NRXN3: variants seen among roughly 807,000 people sequenced by gnomAD.
The protein encoded by NRXN3 is neurexin 3.
Under a neutral mutation model 137.6 loss-of-function variants are expected in NRXN3, and 32 were observed. The observed-to-expected ratio is 0.23, with a 90% confidence interval of 0.18 to 0.31. The LOEUF is 0.31. Ranked by LOEUF, NRXN3 falls within the 10% of genes least tolerant of loss-of-function variation. The probability of loss-of-function intolerance (pLI) is 1.00; values close to 1 mark genes in which losing one functional copy is unlikely to be tolerated. For synonymous variants in NRXN3, 798 were observed against 784.5 expected (o/e 1.02, Z -0.29); for missense variants, 1,574 against 2,062.5 (o/e 0.76, Z 4.59).
At chr14:78,460,217 C>T (rs528783504) in intron 4 of NRXN3, among the ~76,000 whole-genome samples, 8 of 152,254 alleles carry the variant, frequency 5.3e-5, no homozygotes, top group African/African-American at 1.4e-4. Context: ...GGAACCTCGA[C>T]ATGTCCAGCT....
intron 16 of NRXN3, among the ~76,000 whole-genome samples, chr14:79,594,430 C>T (rs1332752653): frequency 6.6e-6 from 1 of 152,154 alleles, no homozygotes; most frequent in Non-Finnish European, 1.5e-5. Context: ...TGATGAATTA[C>T]AGTACTAGAG....
chr14:78,180,319 G>C (rs888450679), intron 1 of NRXN3, among the ~76,000 whole-genome samples: 3 of 152,124 alleles, frequency 2.0e-5, no homozygotes, highest in Non-Finnish European at 4.4e-5. Context: ...CAGCCACCTA[G>C]AGTCCCAAGC....
At chr14:78,617,102 A>G (rs1041817828) in intron 4 of NRXN3, among the ~76,000 whole-genome samples, 1 of 152,210 alleles carries the variant, frequency 6.6e-6, no homozygotes, top group African/African-American at 2.4e-5. Flanking sequence ...AGCTTGGTTA[A>G]AAAACAAAAG....
chr14:79,420,609 G>A (rs377252872), intron 15 of NRXN3, among the ~76,000 whole-genome samples: 2 of 152,158 alleles, frequency 1.3e-5, no homozygotes, highest in East Asian at 3.9e-4. Flanking sequence ...TAATCTCTAC[G>A]GTCCCTCCCA....
At chr14:78,759,238 AT>A (rs142886455) in intron 8 of NRXN3, among the ~76,000 whole-genome samples, 3,777 of 152,248 alleles carry the variant, frequency 0.025, 162 homozygotes, top group African/African-American at 0.086. Flanking sequence ...ATCTGGTGGT[AT>A]TTCCGCTTGT....
chr14:78,352,418 C>T (rs2083661930), intron 4 of NRXN3, among the ~76,000 whole-genome samples: 1 of 152,020 alleles, frequency 6.6e-6, no homozygotes. Context: ...TACAAAGAAG[C>T]CAACACTTTA....
intron 15 of NRXN3, chr14:79,279,733 C>T (rs943246324): frequency 1.1e-5 from 11 of 987,258 alleles, no homozygotes; most frequent in Non-Finnish European, 1.3e-5. Flanking sequence ...CCCAGGAACA[C>T]CCGAAGAACT....
At chr14:79,263,821 C>G (rs1158156071) in intron 15 of NRXN3, among the ~76,000 whole-genome samples, 1 of 151,172 alleles carries the variant, frequency 6.6e-6, no homozygotes, top group Non-Finnish European at 1.5e-5. Context: ...TACTACACAA[C>G]TCCGGGGGCA....
At chr14:79,650,179 G>A (rs2098469562) in intron 16 of NRXN3, among the ~76,000 whole-genome samples, 1 of 152,116 alleles carries the variant, frequency 6.6e-6, no homozygotes, top group East Asian at 1.9e-4. Flanking sequence ...AGCGTGTTGT[G>A]AGAGTATAGG....
chr14:79,190,245 C>T (rs1450926185), intron 15 of NRXN3, among the ~76,000 whole-genome samples: 1 of 151,986 alleles, frequency 6.6e-6, no homozygotes, highest in Non-Finnish European at 1.5e-5. Context: ...TCAGGCTATT[C>T]TTGACAGTCA....
chr14:78,743,161 T>C (rs887287044), intron 8 of NRXN3, among the ~76,000 whole-genome samples: 22 of 152,324 alleles, frequency 1.4e-4, no homozygotes, highest in African/African-American at 3.8e-4. Context: ...TGGTCACCTA[T>C]CACAAATGAT....
At chr14:78,819,753 T>A (rs28654512) in intron 10 of NRXN3, among the ~76,000 whole-genome samples, 6,714 of 152,244 alleles carry the variant, frequency 0.044, 364 homozygotes, top group African/African-American at 0.13. Context: ...AAAAGTTAAT[T>A]TGAGCTACAG....
chr14:78,602,547 T>G (rs1444164052), intron 4 of NRXN3: 1 of 152,216 alleles, frequency 6.6e-6, no homozygotes, highest in Non-Finnish European at 1.5e-5. Context: ...TAGCTTTAGT[T>G]GAAAGAGTAA....
At chr14:79,742,876 G>A (rs1255558820) in intron 19 of NRXN3, among the ~76,000 whole-genome samples, 2 of 152,186 alleles carry the variant, frequency 1.3e-5, no homozygotes, top group African/African-American at 2.4e-5. Flanking sequence ...ATATGTAAAT[G>A]CCCTCACACA....
At chr14:78,195,267 A>G (rs1417932320) in intron 1 of NRXN3, among the ~76,000 whole-genome samples, 3 of 152,142 alleles carry the variant, frequency 2.0e-5, no homozygotes, top group African/African-American at 7.2e-5. Flanking sequence ...GTTTCTTCAC[A>G]GTGACCCTGG....
intron 4 of NRXN3, among the ~76,000 whole-genome samples, chr14:78,301,572 A>G (rs1379057375): frequency 2.0e-5 from 3 of 152,204 alleles, no homozygotes; most frequent in Admixed American, 1.3e-4. Context: ...ATAAATATGT[A>G]TCTACATCTA....
intron 1 of NRXN3, among the ~76,000 whole-genome samples, chr14:78,203,343 G>T (rs997187046): frequency 6.6e-6 from 1 of 152,186 alleles, no homozygotes; most frequent in Non-Finnish European, 1.5e-5. Context: ...GCTAGGTAAA[G>T]CATTCTCCCA....
At chr14:79,827,495 A>G (rs1183065691) in intron 20 of NRXN3, among the ~76,000 whole-genome samples, 7 of 152,140 alleles carry the variant, frequency 4.6e-5, no homozygotes, top group African/African-American at 1.2e-4. Flanking sequence ...TTGCATTGCT[A>G]TAAAGAAATA....
intron 15 of NRXN3, among the ~76,000 whole-genome samples, chr14:79,422,084 G>C (rs2095584570): frequency 6.6e-6 from 1 of 152,172 alleles, no homozygotes; most frequent in Non-Finnish European, 1.5e-5. Context: ...ATCTGAGACA[G>C]AGTCTTGCTT....
Sources: gnomAD v4.1 joint callset for allele counts (sites outside exome capture counted in the v4.1 genomes callset) on GRCh38, gnomAD v4.1.1 for gene constraint, MANE v1.5 for transcripts, NCBI Gene and HGNC (gene_info 2026-07-23, HGNC 2026-07-21) for gene names.